PSTPIP2: variants seen among roughly 807,000 people sequenced by gnomAD.
The protein encoded by PSTPIP2 is proline-serine-threonine phosphatase-interacting protein 2.
In PSTPIP2, 33 loss-of-function variants were observed where a neutral mutation model predicts 63.3. The observed-to-expected ratio is 0.52, with a 90% confidence interval of 0.40 to 0.70. PSTPIP2 has a LOEUF of 0.70. Ranked by LOEUF, PSTPIP2 falls within the 30% of genes least tolerant of loss-of-function variation. The pLI is 0.00. For synonymous variants in PSTPIP2, 125 were observed against 132.7 expected (o/e 0.94, Z 0.40); for missense variants, 312 against 400.7 (o/e 0.78, Z 1.89).
chr18:45,988,260 T>C (rs2051487232), intron 14 of PSTPIP2, among the ~76,000 whole-genome samples: 1 of 151,522 alleles, frequency 6.6e-6, no homozygotes, highest in Admixed American at 6.6e-5. Flanking sequence ...GGTGAAGCCC[T>C]GTTTCTACTG....
intron 1 of PSTPIP2, 159 bp from the exon 2 acceptor site, chr18:46,040,206 A>G: frequency 2.0e-6 from 1 of 499,490 alleles, no homozygotes; most frequent in East Asian, 3.5e-5. Flanking sequence ...AGGCTTCTCC[A>G]CCCCCACCCT....
chr18:46,026,774 C>A (rs1455541190), intron 2 of PSTPIP2, among the ~76,000 whole-genome samples: 1 of 152,058 alleles, frequency 6.6e-6, no homozygotes, highest in Non-Finnish European at 1.5e-5. Flanking sequence ...GTAGTCCCAG[C>A]TACTGGGGGA....
chr18:46,011,830 T>G (rs1173549201), intron 4 of PSTPIP2, among the ~76,000 whole-genome samples: 1 of 152,166 alleles, frequency 6.6e-6, no homozygotes, highest in African/African-American at 2.4e-5. Context: ...AATAAATACT[T>G]GTTCTAAGAA....
intron 1 of PSTPIP2, among the ~76,000 whole-genome samples, chr18:46,068,336 C>T (rs1200271805): frequency 1.3e-5 from 2 of 152,024 alleles, no homozygotes; most frequent in Non-Finnish European, 2.9e-5. Context: ...CTCGCTCTGT[C>T]GCCCAGGCTG....
intron 1 of PSTPIP2, among the ~76,000 whole-genome samples, chr18:46,058,426 G>A (rs1405279831): frequency 6.6e-6 from 1 of 151,722 alleles, no homozygotes; most frequent in African/African-American, 2.4e-5. Flanking sequence ...GCACGATCTC[G>A]GCTCAGCGCC....
Position 46,070,024 on chromosome 18 carries a change from C to T in PSTPIP2, c.33+2132G>A, listed in dbSNP as rs117381108. Among the ~76,000 whole-genome samples, 209 of 152,310 alleles carry T rather than the reference C, an allele frequency of 1.4e-3. 8 individuals are homozygous for T. The East Asian group carries it at 0.035, about 25-fold the overall frequency. On this transcript the variant is annotated intron_variant, in intron 1 of 14. Coordinates refer to ENST00000409746, the MANE Select transcript of PSTPIP2 (RefSeq NM_024430.4). ...AAACTCTCAAGTTTAATCCTCCCAACGGTCCTAAGGAGTAGACACTGTTAT... is the reference window on the plus strand; with the variant it reads ...AAACTCTCAAGTTTAATCCTCCCAATGGTCCTAAGGAGTAGACACTGTTAT...
intron 8 of PSTPIP2, among the ~76,000 whole-genome samples, chr18:45,998,190 G>GTT (rs2051623378): frequency 6.6e-6 from 1 of 152,166 alleles, no homozygotes; most frequent in Non-Finnish European, 1.5e-5. Context: ...ATGCAGAGAA[G>GTT]AGAACTACCT....
chr18:45,999,415 G>A, intron 7 of PSTPIP2, 21 bp downstream of exon 7: 1 of 1,612,806 alleles, frequency 6.2e-7, no homozygotes, highest in Non-Finnish European at 8.5e-7. Context: ...GATTTTTCGG[G>A]TTGTTAGCCC....
At chr18:45,991,836 G>T in intron 12 of PSTPIP2, 66 bp downstream of exon 12, 1 of 1,424,214 alleles carries the variant, frequency 7.0e-7, no homozygotes, top group South Asian at 1.2e-5. Flanking sequence ...ACATGTCTTA[G>T]AACATTCATG....
chr18:46,008,198 G>A (rs899740442), intron 5 of PSTPIP2, among the ~76,000 whole-genome samples: 2 of 152,168 alleles, frequency 1.3e-5, no homozygotes, highest in African/African-American at 2.4e-5. Flanking sequence ...AGGCAAGAGA[G>A]GGAGAAAGGA....
Position 46,024,686 on chromosome 18 carries a change from C to T in PSTPIP2, c.135G>A (p.Arg45=). Residue 45 remains arginine (R), a splice_region_variant and synonymous_variant, in exon 3 of 15, where the codon AGG becomes AGA. Transcript: ENST00000409746. ...CKEFEDFLKE[R]AAIEERYGKD... is the part of the protein sequence containing the mutation. ...TGCCATACCTCTCTTCAATTGCTGC[C>T]CTAGGGGAACAGAAGAGAGGGTTAT... 1 of 1,612,798 alleles carries T rather than the reference C, an allele frequency of 6.2e-7. No individual in the cohort carries two copies. The highest frequency in any genetic ancestry group is 8.5e-7 in the Non-Finnish European group (1 of 1,178,898).
At chr18:46,035,560 C>T (rs1157688430) in intron 2 of PSTPIP2, among the ~76,000 whole-genome samples, 2 of 151,890 alleles carry the variant, frequency 1.3e-5, no homozygotes, top group Non-Finnish European at 2.9e-5. Context: ...GAAGTAAAGA[C>T]GTACAGGCAG....
intron 2 of PSTPIP2, among the ~76,000 whole-genome samples, chr18:46,035,853 T>C (rs1279302395): frequency 6.6e-6 from 1 of 152,156 alleles, no homozygotes; most frequent in African/African-American, 2.4e-5. Flanking sequence ...TCTACAAAGC[T>C]ACACTTCTGT....
chr18:46,012,209 A>C (rs2051803906), intron 4 of PSTPIP2, among the ~76,000 whole-genome samples: 1 of 152,204 alleles, frequency 6.6e-6, no homozygotes, highest in South Asian at 2.1e-4. Flanking sequence ...AGTTGGGCAA[A>C]ATTTTTAAAG....
At chr18:46,039,334 C>G (rs1316990231) in intron 2 of PSTPIP2, among the ~76,000 whole-genome samples, 2 of 152,148 alleles carry the variant, frequency 1.3e-5, no homozygotes, top group East Asian at 3.8e-4. Context: ...CCTGCCACCC[C>G]CAGGAGCATC....
chr18:45,988,151 G>C (rs928924190), intron 14 of PSTPIP2, among the ~76,000 whole-genome samples: 2 of 152,122 alleles, frequency 1.3e-5, no homozygotes, highest in Non-Finnish European at 2.9e-5. Flanking sequence ...GATAAAGAGG[G>C]CTGGGCATGG....
chr18:46,047,528 G>T (rs1208284598), intron 1 of PSTPIP2, among the ~76,000 whole-genome samples: 1 of 152,132 alleles, frequency 6.6e-6, no homozygotes, highest in Non-Finnish European at 1.5e-5. Flanking sequence ...GGAGGCAGAG[G>T]TTGTGGTGAG....
chr18:45,991,796 A>C, intron 12 of PSTPIP2, 106 bp downstream of exon 12: 2 of 1,077,502 alleles, frequency 1.9e-6, no homozygotes, highest in South Asian at 3.2e-5. Context: ...CTTATTAAGC[A>C]GATGCAGTAG....
intron 3 of PSTPIP2, among the ~76,000 whole-genome samples, chr18:46,021,848 CAAAAAAAAAAA>C (rs59094808): frequency 1.0e-3 from 34 of 33,312 alleles, no homozygotes; most frequent in African/African-American, 2.3e-3. Flanking sequence ...GACTCTGTCT[CAAAAAAAAAAA>C]AAAAAAAAAA....
Sources: allele counts gnomAD v4.1 joint callset (sites outside exome capture counted in the v4.1 genomes callset), GRCh38; gene constraint gnomAD v4.1.1; transcripts MANE v1.5; gene names NCBI Gene and HGNC (gene_info 2026-07-23, HGNC 2026-07-21).